The following CDH18 variants were observed in gnomAD, a reference collection of about 807,000 sequenced individuals.
CDH18 encodes cadherin 18.
CDH18 carries 31 observed loss-of-function variants against 67.9 expected under a neutral mutation model. That is an observed-to-expected ratio of 0.46 (90% CI 0.34 to 0.62). CDH18 has a LOEUF of 0.62. Among genes scored for constraint, CDH18 ranks in the 20% least tolerant of loss-of-function variants. The probability of loss-of-function intolerance (pLI) is 0.01; values close to 1 mark genes in which losing one functional copy is unlikely to be tolerated. For missense variants in CDH18, 890 were observed against 975.5 expected (o/e 0.91, Z 1.17); for synonymous variants, 362 against 347.2 (o/e 1.04, Z -0.48).
chr5:20,034,972 C>A (rs1739722367), intron 2 of CDH18, among the ~76,000 whole-genome samples: 1 of 152,024 alleles, frequency 6.6e-6, no homozygotes, highest in African/African-American at 2.4e-5. Context: ...ACTTGCATAA[C>A]CAATAAATGT....
At chr5:19,783,091 C>T (rs1305748637) in intron 3 of CDH18, among the ~76,000 whole-genome samples, 1 of 152,180 alleles carries the variant, frequency 6.6e-6, no homozygotes, top group Non-Finnish European at 1.5e-5. Flanking sequence ...CTCTAAGCTG[C>T]ATTAACTTTG....
At chr5:20,252,146 G>A (rs553453221) in intron 2 of CDH18, among the ~76,000 whole-genome samples, 2 of 152,170 alleles carry the variant, frequency 1.3e-5, no homozygotes, top group Non-Finnish European at 2.9e-5. Flanking sequence ...GAGGTCAAGA[G>A]ATCGAGATCA....
At chr5:20,017,478 T>C (rs1366362139) in intron 2 of CDH18, among the ~76,000 whole-genome samples, 5 of 152,160 alleles carry the variant, frequency 3.3e-5, no homozygotes, top group South Asian at 4.1e-4. Flanking sequence ...GCGACATTCA[T>C]TGACCAAATA....
At chr5:19,855,219 A>G (rs551699726) in intron 2 of CDH18, among the ~76,000 whole-genome samples, 27 of 151,924 alleles carry the variant, frequency 1.8e-4, no homozygotes, top group African/African-American at 6.3e-4. Flanking sequence ...TCTGTTTCCT[A>G]TGTGTTTATA....
chr5:19,631,312 G>A (rs1310103120), intron 5 of CDH18, among the ~76,000 whole-genome samples: 3 of 152,078 alleles, frequency 2.0e-5, no homozygotes, highest in East Asian at 3.9e-4. Flanking sequence ...CACAATATAA[G>A]TGAAACATAA....
intron 1 of CDH18, among the ~76,000 whole-genome samples, chr5:20,502,530 G>T (rs1754398701): frequency 6.6e-6 from 1 of 152,162 alleles, no homozygotes; most frequent in African/African-American, 2.4e-5. Flanking sequence ...TATCTGAGAA[G>T]ACTTGCTATA....
intron 8 of CDH18, among the ~76,000 whole-genome samples, chr5:19,558,515 A>G (rs1738861501): frequency 1.3e-5 from 2 of 152,024 alleles, no homozygotes; most frequent in South Asian, 4.1e-4. Flanking sequence ...ATTATGAACA[A>G]CTTTATGCAC....
intron 1 of CDH18, among the ~76,000 whole-genome samples, chr5:20,493,868 T>A (rs1402237773): frequency 2.0e-5 from 3 of 152,062 alleles, no homozygotes; most frequent in Non-Finnish European, 4.4e-5. Context: ...ACATCGGGTC[T>A]GACTATTGTC....
chr5:20,330,824 C>T lies in CDH18; in HGVS notation c.-579-75319G>A, dbSNP rs558281472. Among the ~76,000 whole-genome samples the T allele has an allele frequency of 1.5e-4, 23 of 152,264 alleles. No individual in the cohort carries two copies. In the South Asian group the frequency reaches 2.9e-3, roughly 19 times the overall value. On this transcript the variant is annotated intron_variant, in intron 1 of 14. Coordinates refer to the CDH18 transcript ENST00000507958. ...TGATCTCTCAAGTCACCAGCTTGGCCGTCTGCCAAGTGTATTTTACTTCTG... is the reference window on the plus strand; with the variant it reads ...TGATCTCTCAAGTCACCAGCTTGGCTGTCTGCCAAGTGTATTTTACTTCTG...
chr5:20,503,465 A>T (rs1754462581), intron 1 of CDH18, among the ~76,000 whole-genome samples: 1 of 152,206 alleles, frequency 6.6e-6, no homozygotes, highest in Non-Finnish European at 1.5e-5. Context: ...TCACAGAGTT[A>T]ATCATTGAGT....
At chr5:19,764,628 T>C (rs1482884665) in intron 3 of CDH18, among the ~76,000 whole-genome samples, 1 of 16,760 alleles carries the variant, frequency 6.0e-5, no homozygotes, top group African/African-American at 6.7e-5. Context: ...TTTCTTCATA[T>C]ATATATATAT....
chr5:20,088,230 T>C (rs1745137117), intron 2 of CDH18, among the ~76,000 whole-genome samples: 1 of 152,242 alleles, frequency 6.6e-6, no homozygotes, highest in Non-Finnish European at 1.5e-5. Context: ...CTTGGTATTT[T>C]ACAAATGTGG....
chr5:19,859,903 C>T (rs1784694510), intron 2 of CDH18, among the ~76,000 whole-genome samples: 1 of 151,882 alleles, frequency 6.6e-6, no homozygotes, highest in Non-Finnish European at 1.5e-5. Flanking sequence ...AAATACTTTA[C>T]AGTGTTTGAC....
chr5:20,356,381 TCAAA>T (rs1741609827), intron 1 of CDH18, among the ~76,000 whole-genome samples: 2 of 151,902 alleles, frequency 1.3e-5, no homozygotes, highest in African/African-American at 2.4e-5. Flanking sequence ...AGACTCCATC[TCAAA>T]CAAACAAACA....
intron 2 of CDH18, among the ~76,000 whole-genome samples, chr5:20,166,411 G>C (rs1360049989): frequency 7.8e-6 from 1 of 129,016 alleles, no homozygotes; most frequent in Non-Finnish European, 1.5e-5. Context: ...TTGCACTCCA[G>C]CCTGGGCAAC....
At chr5:20,044,184 A>C (rs886928301) in intron 2 of CDH18, among the ~76,000 whole-genome samples, 4 of 149,070 alleles carry the variant, frequency 2.7e-5, no homozygotes, top group East Asian at 2.0e-4. Flanking sequence ...TAAAAAAAAA[A>C]CAGAGCAAAC....
rs1270490324 is a variant in CDH18, at chr5:19,805,041, G to T, written c.228+33718C>A. Among the ~76,000 whole-genome samples, 11 of 151,692 alleles carry T rather than the reference G, an allele frequency of 7.3e-5. 1 individual carries two copies. Among genetic ancestry groups the T allele is most frequent in the Non-Finnish European group, 1.3e-4 (9 of 67,952 alleles). On this transcript the variant is annotated intron_variant, in intron 3 of 12. Transcript: ENST00000382275. ...AACTCACGGCAGCCTCTGCCTACAAGGTTCAAATGATCCTCCCACCTCAGC... is the reference window on the plus strand; with the variant it reads ...AACTCACGGCAGCCTCTGCCTACAATGTTCAAATGATCCTCCCACCTCAGC...
chr5:20,526,695 G>A (rs1026442126), intron 1 of CDH18, among the ~76,000 whole-genome samples: 2 of 151,978 alleles, frequency 1.3e-5, no homozygotes, highest in African/African-American at 4.8e-5. Context: ...CAAACAGAAA[G>A]CAAAAACAAC....
chr5:20,453,097 G>T (rs1369584821), intron 1 of CDH18, among the ~76,000 whole-genome samples: 1 of 152,124 alleles, frequency 6.6e-6, no homozygotes, highest in Non-Finnish European at 1.5e-5. Flanking sequence ...GCAAGTCTGT[G>T]TCATTAGCAC....
Sources: gnomAD v4.1 joint callset for allele counts (sites outside exome capture counted in the v4.1 genomes callset) on GRCh38, gnomAD v4.1.1 for gene constraint, MANE v1.5 for transcripts, NCBI Gene and HGNC (gene_info 2026-07-23, HGNC 2026-07-21) for gene names.